The following FNDC3B variants were observed in gnomAD, a reference collection of about 807,000 sequenced individuals.
FNDC3B encodes fibronectin type III domain-containing protein 3B.
A neutral mutation model predicts 151.5 loss-of-function variants in FNDC3B; 12 were observed. The observed-to-expected ratio is 0.08, with a 90% CI of 0.05 to 0.13. The LOEUF is 0.13. FNDC3B is among the 10% of genes least tolerant of loss of function. FNDC3B has a pLI of 1.00. For missense variants in FNDC3B, 1,214 were observed against 1,505.3 expected, an observed-to-expected ratio of 0.81 and a Z score of 3.20; for synonymous variants, 528 against 549.0, an observed-to-expected ratio of 0.96 and a Z score of 0.54.
At chr3:172,311,067 G>T in intron 11 of FNDC3B, 186 bp downstream of exon 11, 1 of 575,228 alleles carries the variant, frequency 1.7e-6, no homozygotes, top group Non-Finnish European at 3.1e-6. Context: ...ATTATGAGTT[G>T]TGTATTGAAA....
At chr3:172,337,047 T>C (rs1158044761) in intron 15 of FNDC3B, among the ~76,000 whole-genome samples, 1 of 152,170 alleles carries the variant, frequency 6.6e-6, no homozygotes, top group Non-Finnish European at 1.5e-5. Flanking sequence ...ATTCAACAAC[T>C]TGATCAGTTT....
At chr3:172,142,182 A>C (rs1285289781) in intron 3 of FNDC3B, among the ~76,000 whole-genome samples, 1 of 152,184 alleles carries the variant, frequency 6.6e-6, no homozygotes, top group Admixed American at 6.5e-5. Flanking sequence ...AGTGATTACT[A>C]AGCTTTCGCT....
chr3:172,109,773 C>T (rs11924824), intron 1 of FNDC3B, among the ~76,000 whole-genome samples: 96,506 of 152,016 alleles, frequency 0.63, 30,827 homozygotes, highest in East Asian at 0.78. Flanking sequence ...AAGTCCATCA[C>T]GTAGTAGAGA....
chr3:172,099,120 T>A (rs1018268320), intron 1 of FNDC3B, among the ~76,000 whole-genome samples: 1 of 152,224 alleles, frequency 6.6e-6, no homozygotes. Flanking sequence ...AATCTATTTT[T>A]AAAAATGAAA....
At chr3:172,045,910 A>G (rs1716347078) in intron 1 of FNDC3B, among the ~76,000 whole-genome samples, 1 of 152,122 alleles carries the variant, frequency 6.6e-6, no homozygotes, top group African/African-American at 2.4e-5. Context: ...GTAGACAAGC[A>G]CAGGCCCAAC....
chr3:172,062,253 C>T (rs1190339603), intron 1 of FNDC3B, among the ~76,000 whole-genome samples: 2 of 151,940 alleles, frequency 1.3e-5, no homozygotes, highest in South Asian at 2.1e-4. Flanking sequence ...TGCCTCCTTT[C>T]TTCCTGCCCC....
Position 172,192,145 on chromosome 3 carries a change from C to A in FNDC3B, c.188-34726C>A, listed in dbSNP as rs180961597. 7.3e-5 allele frequency among the ~76,000 whole-genome samples: 11 copies of A among 150,598 alleles called. No homozygotes were observed. The East Asian group carries it at 2.1e-3, about 29-fold the overall frequency. On this transcript the variant is annotated intron_variant, in intron 3 of 25. Coordinates refer to ENST00000415807, the MANE Select transcript of FNDC3B (RefSeq NM_022763.4). ...AGCCAACTCTTGTTAACCAAATACA[C>A]AGAAGACTGTTTTTTTTGTGTGTGT...
intron 3 of FNDC3B, among the ~76,000 whole-genome samples, chr3:172,164,916 C>T (rs939651143): frequency 3.3e-5 from 5 of 152,232 alleles, no homozygotes; most frequent in Admixed American, 3.3e-4. Flanking sequence ...TTTTCTGTCT[C>T]ATTGCAAGTG....
At chr3:172,191,337 G>A (rs1373626082) in intron 3 of FNDC3B, among the ~76,000 whole-genome samples, 2 of 152,142 alleles carry the variant, frequency 1.3e-5, no homozygotes, top group African/African-American at 4.8e-5. Flanking sequence ...TTCGTGCTGG[G>A]CAAATTTTAC....
chr3:172,096,972 ATC>A (rs1719120547), intron 1 of FNDC3B, among the ~76,000 whole-genome samples: 1 of 152,166 alleles, frequency 6.6e-6, no homozygotes, highest in Admixed American at 6.5e-5. Flanking sequence ...TCCTAAGGAA[ATC>A]TCTGACCCCA....
intron 1 of FNDC3B, among the ~76,000 whole-genome samples, chr3:172,058,608 C>T (rs1015200830): frequency 1.3e-5 from 2 of 152,032 alleles, no homozygotes; most frequent in African/African-American, 4.8e-5. Context: ...CTAAGATACT[C>T]AATATCACAT....
At chr3:172,177,225 G>T (rs1478687483) in intron 3 of FNDC3B, among the ~76,000 whole-genome samples, 1 of 149,980 alleles carries the variant, frequency 6.7e-6, no homozygotes, top group Non-Finnish European at 1.5e-5. Flanking sequence ...TGACCAAAAA[G>T]AATCTTTGTT....
chr3:172,248,688 A>G (rs1191879860), intron 5 of FNDC3B, among the ~76,000 whole-genome samples: 1 of 147,826 alleles, frequency 6.8e-6, no homozygotes, highest in East Asian at 1.9e-4. Context: ...TTATATATAT[A>G]TAATTATATA....
intron 3 of FNDC3B, among the ~76,000 whole-genome samples, chr3:172,192,348 A>G (rs558412686): frequency 2.6e-5 from 4 of 151,500 alleles, no homozygotes; most frequent in Admixed American, 2.6e-4. Flanking sequence ...AATTATTATT[A>G]TTATTATTTT....
chr3:172,063,053 C>T (rs1717299139), intron 1 of FNDC3B, among the ~76,000 whole-genome samples: 1 of 152,166 alleles, frequency 6.6e-6, no homozygotes, highest in Non-Finnish European at 1.5e-5. Context: ...TGATCCATTG[C>T]TGTCCTTTCT....
chr3:172,295,517 T>G lies in FNDC3B; in HGVS notation c.1001+3T>G, dbSNP rs768941719. The G allele has an allele frequency of 6.2e-7, 1 of 1,611,700 alleles. No individual in the cohort carries two copies. Among genetic ancestry groups the G allele is most frequent in the South Asian group, 1.1e-5 (1 of 90,468 alleles). ...GGAAAATACAAGATAATTTACAGGT[T>G]GTGTATGTTTCTATTGTTTTTCTTT... is the stretch of plus-strand genomic sequence containing the variant. On this transcript the variant is annotated splice_donor_region_variant and intron_variant, in intron 8 of 25. Coordinates refer to ENST00000415807, the MANE Select transcript of FNDC3B (RefSeq NM_022763.4).
chr3:172,098,927 AATGGG>A (rs1365466153), intron 1 of FNDC3B, among the ~76,000 whole-genome samples: 1 of 152,110 alleles, frequency 6.6e-6, no homozygotes, highest in Non-Finnish European at 1.5e-5. Context: ...TCCTCGGTTG[AATGGG>A]AGGTTTGTGA....
Position 172,112,328 on chromosome 3 carries a change from G to C in FNDC3B, c.-28-124G>C. 11 of 660,282 alleles carry C rather than the reference G, an allele frequency of 1.7e-5. No individual in the cohort carries two copies. In the South Asian group the frequency reaches 1.9e-4, roughly 11 times the overall value. The allele number at this position is 660,282 out of a possible 1,614,324, so 40.9% of individuals were successfully genotyped here. On this transcript the variant is annotated intron_variant, in intron 1 of 25. Coordinates refer to ENST00000415807, the MANE Select transcript of FNDC3B (RefSeq NM_022763.4). ...CTTTGGGGCCTGACATAATAATACAGGGCTCTCAAATTAGAATAACTTGGG... is the reference window on the plus strand; with the variant it reads ...CTTTGGGGCCTGACATAATAATACACGGCTCTCAAATTAGAATAACTTGGG...
chr3:172,071,289 T>C (rs1717762855), intron 1 of FNDC3B, among the ~76,000 whole-genome samples: 1 of 152,204 alleles, frequency 6.6e-6, no homozygotes, highest in Non-Finnish European at 1.5e-5. Flanking sequence ...TAGACTCAAC[T>C]AATTTGGAAT....
Sources: allele counts gnomAD v4.1 joint callset (sites outside exome capture counted in the v4.1 genomes callset), GRCh38; gene constraint gnomAD v4.1.1; transcripts MANE v1.5; gene names NCBI Gene and HGNC (gene_info 2026-07-23, HGNC 2026-07-21).